Variants in RIT2 observed in about 807,000 individuals in gnomAD.
RIT2 encodes the protein Ras like without CAAX 2, also known as GTP-binding protein Rit2.
In RIT2, 24 loss-of-function variants were observed where a neutral mutation model predicts 23.7. The observed-to-expected ratio is 1.01, with a 90% CI of 0.73 to 1.43. RIT2 has a LOEUF of 1.43. Among genes scored for constraint, RIT2 ranks in the 40% most tolerant of loss-of-function variants. RIT2 has a pLI of 0.00. For missense variants in RIT2, 236 were observed against 266.9 expected, an observed-to-expected ratio of 0.88 and a Z score of 0.81; for synonymous variants, 107 against 91.1, an observed-to-expected ratio of 1.17 and a Z score of -0.99.
At chr18:42,919,200 A>C (rs946676737) in intron 4 of RIT2, among the ~76,000 whole-genome samples, 3 of 152,132 alleles carry the variant, frequency 2.0e-5, no homozygotes, top group African/African-American at 7.2e-5. Context: ...AGTAATTCCT[A>C]ATTCTCATGG....
chr18:43,076,892 A>G (rs1461151661), intron 1 of RIT2, among the ~76,000 whole-genome samples: 1 of 151,848 alleles, frequency 6.6e-6, no homozygotes, highest in South Asian at 2.1e-4. Flanking sequence ...TCACGAGGTC[A>G]GGAGATCGAG....
intron 2 of RIT2, among the ~76,000 whole-genome samples, chr18:43,026,639 A>G (rs933351310): frequency 5.5e-5 from 8 of 145,182 alleles, no homozygotes; most frequent in African/African-American, 7.7e-5. Context: ...AAAGAAAGAG[A>G]GAAAGAAGGA....
At chr18:42,918,284 C>A (rs964835960) in intron 4 of RIT2, among the ~76,000 whole-genome samples, 1 of 152,128 alleles carries the variant, frequency 6.6e-6, no homozygotes, top group African/African-American at 2.4e-5. Context: ...AGTTCTACAA[C>A]CATCCAGTTT....
In RIT2 at chr18:42,920,609, G is replaced by GT. The variant is rs1451877636; in HGVS notation, c.426+2962dup. 4 of 842,006 alleles carry GT rather than the reference G, an allele frequency of 4.8e-6. No homozygotes were observed. In the African/African-American group the frequency reaches 6.8e-5, roughly 14 times the overall value. 52.2% of individuals were successfully genotyped at this position (842,006 alleles called of 1,614,324 possible). The stretch of plus-strand genomic sequence containing the variant: ...AACACATAATACACTAAAACTCGTT[G>GT]TCTTTTTGTTTTTTTTCTTTTTATC... On this transcript the variant is annotated intron_variant, in intron 4 of 4. Coordinates refer to ENST00000326695, the MANE Select transcript of RIT2 (RefSeq NM_002930.4).
chr18:42,822,134 A>T (rs1906169794), intron 4 of RIT2, among the ~76,000 whole-genome samples: 1 of 152,152 alleles, frequency 6.6e-6, no homozygotes, highest in African/African-American at 2.4e-5. Flanking sequence ...GATATGAGAC[A>T]CTGCCTAATA....
intron 4 of RIT2, among the ~76,000 whole-genome samples, chr18:42,832,474 T>C (rs1253591384): frequency 6.6e-6 from 1 of 152,206 alleles, no homozygotes; most frequent in Non-Finnish European, 1.5e-5. Flanking sequence ...ATTCCCACTG[T>C]CAGAACACAC....
In RIT2 at chr18:43,115,624, G is replaced by A; in HGVS notation, c.-105C>T. On this transcript the variant is annotated 5_prime_UTR_variant, in exon 1 of 5. Transcript: ENST00000326695. ...AAACTGTGTCAAAGCAAAGGTTTTA[G>A]TACGAGGTAAGAACCATCAGCGTCG... The A allele has an allele frequency of 6.9e-7, 1 of 1,459,556 alleles. No homozygotes were observed. Among genetic ancestry groups the A allele is most frequent in the Non-Finnish European group, 9.0e-7 (1 of 1,109,520 alleles). 90.4% of individuals were successfully genotyped at this position (1,459,556 alleles called of 1,614,324 possible).
intron 1 of RIT2, among the ~76,000 whole-genome samples, chr18:43,102,735 C>T (rs1224496579): frequency 1.3e-5 from 2 of 151,892 alleles, no homozygotes; most frequent in Admixed American, 6.6e-5. Context: ...CTCACTGCAA[C>T]CTTCGCCTCC....
intron 2 of RIT2, among the ~76,000 whole-genome samples, chr18:42,988,568 C>T (rs145685846): frequency 8.5e-5 from 13 of 152,334 alleles, no homozygotes; most frequent in African/African-American, 2.9e-4. Context: ...AGTTCCACCT[C>T]TCTGCTTCAT....
intron 2 of RIT2, among the ~76,000 whole-genome samples, chr18:42,977,048 A>G (rs1389051995): frequency 6.6e-6 from 1 of 151,996 alleles, no homozygotes; most frequent in Non-Finnish European, 1.5e-5. Context: ...GAGGGGAGGC[A>G]GAAGGATAAC....
chr18:42,767,629 T>A (rs1913455494), intron 4 of RIT2, among the ~76,000 whole-genome samples: 1 of 152,114 alleles, frequency 6.6e-6, no homozygotes, highest in Admixed American at 6.6e-5. Context: ...GCATGATTGG[T>A]CTTGCAATGT....
intron 1 of RIT2, among the ~76,000 whole-genome samples, chr18:43,060,470 A>C (rs1842508598): frequency 6.6e-6 from 1 of 152,100 alleles, no homozygotes; most frequent in Admixed American, 6.6e-5. Context: ...TAAAAGCCCA[A>C]ATGGTCAGCA....
intron 4 of RIT2, among the ~76,000 whole-genome samples, chr18:42,808,845 T>C (rs999464268): frequency 6.6e-6 from 1 of 152,164 alleles, no homozygotes; most frequent in Non-Finnish European, 1.5e-5. Context: ...TACTGTTCTA[T>C]TCAGACAGGC....
chr18:42,858,642 T>C (rs1219847022), intron 4 of RIT2, among the ~76,000 whole-genome samples: 1 of 152,242 alleles, frequency 6.6e-6, no homozygotes, highest in African/African-American at 2.4e-5. Flanking sequence ...CAACACTATG[T>C]AATTTTAGAA....
intron 4 of RIT2, among the ~76,000 whole-genome samples, chr18:42,769,915 G>C (rs1913510294): frequency 6.6e-6 from 1 of 151,360 alleles, no homozygotes; most frequent in Admixed American, 6.6e-5. Context: ...ACTGGACAAT[G>C]GGAGAATGAG....
intron 1 of RIT2, among the ~76,000 whole-genome samples, chr18:43,083,188 C>T (rs1225266400): frequency 6.6e-6 from 1 of 152,138 alleles, no homozygotes; most frequent in Non-Finnish European, 1.5e-5. Flanking sequence ...TGAAGGACTT[C>T]TTCAAGGAGA....
intron 3 of RIT2, among the ~76,000 whole-genome samples, chr18:42,964,561 T>G (rs554346643): frequency 6.6e-6 from 1 of 152,290 alleles, no homozygotes; most frequent in Non-Finnish European, 1.5e-5. Flanking sequence ...TGTTATCTTA[T>G]GTAAAAATGC....
intron 2 of RIT2, among the ~76,000 whole-genome samples, chr18:42,995,729 G>T (rs914682539): frequency 1.3e-5 from 2 of 152,138 alleles, no homozygotes; most frequent in East Asian, 1.9e-4. Flanking sequence ...TCCTGTCCTT[G>T]GAATGCTACA....
chr18:42,825,127 G>A (rs1005111940), intron 4 of RIT2, among the ~76,000 whole-genome samples: 1 of 151,430 alleles, frequency 6.6e-6, no homozygotes. Context: ...GAAAAATAAT[G>A]GTCACCTCAG....
Sources: allele counts gnomAD v4.1 joint callset (sites outside exome capture counted in the v4.1 genomes callset), GRCh38; gene constraint gnomAD v4.1.1; transcripts MANE v1.5; gene names NCBI Gene and HGNC (gene_info 2026-07-23, HGNC 2026-07-21).